Variants in SPOCK3 observed in about 807,000 individuals in gnomAD.
The protein encoded by SPOCK3 is SPARC (osteonectin), cwcv and kazal like domains proteoglycan 3.
A neutral mutation model predicts 56.6 loss-of-function variants in SPOCK3; 30 were observed. The ratio of observed to expected loss-of-function variants is 0.53; its 90% CI spans 0.40 to 0.72. SPOCK3 has a LOEUF of 0.72. SPOCK3 is among the 30% of genes least tolerant of loss of function. The pLI is 0.00. For missense variants in SPOCK3, 527 were observed against 530.0 expected, an observed-to-expected ratio of 0.99 and a Z score of 0.06; for synonymous variants, 196 against 183.3, an observed-to-expected ratio of 1.07 and a Z score of -0.56.
At chr4:167,074,667 T>C (rs770596915) in intron 2 of SPOCK3, among the ~76,000 whole-genome samples, 3 of 151,880 alleles carry the variant, frequency 2.0e-5, no homozygotes, top group African/African-American at 4.8e-5. Context: ...TAGCCCAAAT[T>C]TGAGCACAAA....
At position 166,799,602 on chromosome 4, in the gene SPOCK3, TCAAA is replaced by T. The variant is rs374535428; in HGVS notation, c.590-7317_590-7314del. ...ATACTTAAAAGGTTCATCCATGATT[TCAAA>T]CAATTTTCCAAGAATAGAAGGTTGC... On this transcript the variant is annotated intron_variant, in intron 6 of 10. Transcript: ENST00000357545. Among the ~76,000 whole-genome samples, 500 of 152,224 alleles carry T rather than the reference TCAAA, an allele frequency of 3.3e-3. 3 individuals carry two copies. The highest frequency in any genetic ancestry group is 0.011 in the African/African-American group (473 of 41,534).
intron 6 of SPOCK3, among the ~76,000 whole-genome samples, chr4:166,808,406 C>G (rs911689477): frequency 6.6e-6 from 1 of 151,958 alleles, no homozygotes; most frequent in African/African-American, 2.4e-5. Context: ...ATAGGTGGGG[C>G]CCTAATGTGA....
chr4:167,007,943 G>A (rs1749623126), intron 3 of SPOCK3, among the ~76,000 whole-genome samples: 1 of 151,976 alleles, frequency 6.6e-6, no homozygotes, highest in Non-Finnish European at 1.5e-5. Context: ...TTTGTTTCAA[G>A]AGGATTTATG....
chr4:167,176,776 C>T (rs1005343187), intron 2 of SPOCK3, among the ~76,000 whole-genome samples: 3 of 152,174 alleles, frequency 2.0e-5, no homozygotes, highest in South Asian at 4.1e-4. Flanking sequence ...AAATCCTCAG[C>T]ATTTGCAAGC....
At chr4:167,014,041 T>C (rs2150149807) in intron 3 of SPOCK3, among the ~76,000 whole-genome samples, 1 of 152,278 alleles carries the variant, frequency 6.6e-6, no homozygotes, top group South Asian at 2.1e-4. Context: ...GAAAGCATTA[T>C]ATTTGGCCAT....
At chr4:166,983,886 T>C (rs972236796) in intron 4 of SPOCK3, among the ~76,000 whole-genome samples, 12 of 152,034 alleles carry the variant, frequency 7.9e-5, no homozygotes, top group Admixed American at 7.2e-4. Context: ...TTACAGATAG[T>C]AGGTACTTAA....
chr4:167,131,561 C>T (rs930122186), intron 2 of SPOCK3, among the ~76,000 whole-genome samples: 5 of 152,136 alleles, frequency 3.3e-5, no homozygotes, highest in Non-Finnish European at 7.3e-5. Context: ...TGAGATCACG[C>T]CATTGCACTC....
intron 4 of SPOCK3, among the ~76,000 whole-genome samples, chr4:166,968,476 C>T (rs1744996750): frequency 6.6e-6 from 1 of 152,142 alleles, no homozygotes. Context: ...TGATGCCCTA[C>T]ATCCCAGCTG....
At chr4:166,827,090 T>C (rs191692069) in intron 6 of SPOCK3, among the ~76,000 whole-genome samples, 4 of 152,280 alleles carry the variant, frequency 2.6e-5, no homozygotes, top group Admixed American at 2.0e-4. Flanking sequence ...CTATATTCAA[T>C]CAAACTTTAT....
At chr4:167,078,164 A>C (rs1249840003) in intron 2 of SPOCK3, among the ~76,000 whole-genome samples, 1 of 151,944 alleles carries the variant, frequency 6.6e-6, no homozygotes, top group Non-Finnish European at 1.5e-5. Flanking sequence ...AGAAGTACTA[A>C]CAAAAAGATG....
chr4:166,948,393 A>G (rs1018525401), intron 4 of SPOCK3, among the ~76,000 whole-genome samples: 1 of 152,124 alleles, frequency 6.6e-6, no homozygotes, highest in African/African-American at 2.4e-5. Context: ...AGATTGCTGG[A>G]TCATATGGTA....
intron 2 of SPOCK3, among the ~76,000 whole-genome samples, chr4:167,108,089 C>A (rs75989749): frequency 2.0e-5 from 3 of 151,732 alleles, no homozygotes; most frequent in Non-Finnish European, 4.4e-5. Context: ...AAATGCAAAT[C>A]AAAACTATAA....
intron 2 of SPOCK3, among the ~76,000 whole-genome samples, chr4:167,073,464 T>C (rs1009452814): frequency 2.0e-5 from 3 of 151,814 alleles, no homozygotes; most frequent in African/African-American, 7.2e-5. Flanking sequence ...TGTTTCATTA[T>C]TGAGTCAAGA....
At chr4:166,812,017 C>T (rs937504806) in intron 6 of SPOCK3, among the ~76,000 whole-genome samples, 2 of 151,784 alleles carry the variant, frequency 1.3e-5, no homozygotes, top group African/African-American at 2.4e-5. Context: ...CATTTTGTTG[C>T]ATACTTTAAC....
chr4:167,081,008 G>A (rs1757662271), intron 2 of SPOCK3, among the ~76,000 whole-genome samples: 1 of 151,080 alleles, frequency 6.6e-6, no homozygotes, highest in Non-Finnish European at 1.5e-5. Flanking sequence ...AGCCTCCCGA[G>A]TAGCTGGAAT....
At chr4:166,926,009 A>C (rs894368208) in intron 4 of SPOCK3, among the ~76,000 whole-genome samples, 1 of 152,206 alleles carries the variant, frequency 6.6e-6, no homozygotes, top group Non-Finnish European at 1.5e-5. Context: ...TACACACATT[A>C]ATTTACACTC....
intron 4 of SPOCK3, among the ~76,000 whole-genome samples, chr4:166,919,446 CTCTT>C (rs1738245679): frequency 6.6e-6 from 1 of 152,128 alleles, no homozygotes; most frequent in Admixed American, 6.6e-5. Context: ...CATCAATAAA[CTCTT>C]TCAAAATTTC....
chr4:166,914,810 T>C (rs562399089), intron 4 of SPOCK3, among the ~76,000 whole-genome samples: 36 of 152,240 alleles, frequency 2.4e-4, no homozygotes, highest in African/African-American at 7.9e-4. Flanking sequence ...ATTTGTGAAA[T>C]TGAAATGAGC....
rs956182302 is a variant in SPOCK3 at position 166,738,875 on chromosome 4, G to C, written c.995-1271C>G. Among the ~76,000 whole-genome samples, 13 of 151,932 alleles carry C rather than the reference G, an allele frequency of 8.6e-5. No homozygotes were observed. The East Asian group carries it at 9.7e-4, about 11-fold the overall frequency. ...TTCTTAATCCAGTCTATCATTGTTG[G>C]ACATTTGGGTTGGTTCCAAGTCTTT... On this transcript the variant is annotated intron_variant, in intron 9 of 10. Coordinates refer to ENST00000357545, the MANE Select transcript of SPOCK3 (RefSeq NM_001040159.2).
Sources: gnomAD v4.1 joint callset for allele counts (sites outside exome capture counted in the v4.1 genomes callset) on GRCh38, gnomAD v4.1.1 for gene constraint, MANE v1.5 for transcripts, NCBI Gene and HGNC (gene_info 2026-07-23, HGNC 2026-07-21) for gene names.